TENM4: variants seen among roughly 807,000 people sequenced by gnomAD.
TENM4 encodes teneurin transmembrane protein 4, also known as teneurin-4.
In TENM4, 82 loss-of-function variants were observed where a neutral mutation model predicts 243.3. The ratio of observed to expected loss-of-function variants is 0.34; its 90% CI spans 0.28 to 0.40. TENM4 has a LOEUF of 0.40. Among genes scored for constraint, TENM4 ranks in the 10% least tolerant of loss-of-function variants. The probability of loss-of-function intolerance (pLI) is 1.00; values close to 1 mark genes in which losing one functional copy is unlikely to be tolerated. For synonymous variants in TENM4, 1,412 were observed against 1,456.3 expected (o/e 0.97, Z 0.69); for missense variants, 3,138 against 3,673.3 (o/e 0.85, Z 3.77).
At chr11:78,915,235 G>T (rs1253800454) in intron 6 of TENM4, among the ~76,000 whole-genome samples, 1 of 152,158 alleles carries the variant, frequency 6.6e-6, no homozygotes, top group African/African-American at 2.4e-5. Flanking sequence ...ACTCAGATTA[G>T]AAGTTTCCTC....
chr11:79,396,284 C>T, intron 1 of TENM4, among the ~76,000 whole-genome samples: 1 of 152,222 alleles, frequency 6.6e-6, no homozygotes, highest in Non-Finnish European at 1.5e-5. Flanking sequence ...TGTCTTACCC[C>T]ATCCTAGCTT....
intron 6 of TENM4, among the ~76,000 whole-genome samples, chr11:78,985,969 C>G (rs924592550): frequency 1.3e-5 from 2 of 152,154 alleles, no homozygotes; most frequent in Non-Finnish European, 2.9e-5. Flanking sequence ...TCTAATGGAG[C>G]CTTTTCTTCC....
At chr11:79,172,993 C>T (rs1005922286) in intron 3 of TENM4, among the ~76,000 whole-genome samples, 46 of 152,176 alleles carry the variant, frequency 3.0e-4, no homozygotes, top group African/African-American at 1.1e-3. Flanking sequence ...ATTCAAGAAG[C>T]AATCAGAGTA....
chr11:78,659,715 T>C (rs566541604), intron 33 of TENM4, among the ~76,000 whole-genome samples: 2 of 152,356 alleles, frequency 1.3e-5, no homozygotes, highest in African/African-American at 4.8e-5. Context: ...CCGTGCTTCC[T>C]TGGGGCTCCT....
chr11:78,740,850 A>C (rs1280646458), intron 19 of TENM4, among the ~76,000 whole-genome samples: 33 of 152,114 alleles, frequency 2.2e-4, no homozygotes. Flanking sequence ...TTTCCTGATA[A>C]TTGGGAAACA....
intron 1 of TENM4, among the ~76,000 whole-genome samples, chr11:79,365,140 A>G (rs1857654606): frequency 6.6e-6 from 1 of 152,174 alleles, no homozygotes; most frequent in South Asian, 2.1e-4. Flanking sequence ...TTGTTTTCCA[A>G]CTCCTGGCAC....
At chr11:78,760,293 G>A (rs1294502951) in intron 18 of TENM4, among the ~76,000 whole-genome samples, 3 of 152,150 alleles carry the variant, frequency 2.0e-5, no homozygotes, top group Non-Finnish European at 4.4e-5. Context: ...TTCTGTGATC[G>A]GTGGCCATAT....
chr11:79,345,191 C>T (rs1467659295), intron 1 of TENM4, among the ~76,000 whole-genome samples: 2 of 152,154 alleles, frequency 1.3e-5, no homozygotes, highest in African/African-American at 4.8e-5. Flanking sequence ...TCTCTGAACC[C>T]AAAGGGGAGG....
chr11:79,244,732 C>T (rs1361390558), intron 2 of TENM4, among the ~76,000 whole-genome samples: 2 of 152,090 alleles, frequency 1.3e-5, no homozygotes, highest in African/African-American at 2.4e-5. Flanking sequence ...ATAAAACAAA[C>T]AGTCATTTCT....
chr11:79,347,036 TCAGAC>T (rs1475245059), intron 1 of TENM4, among the ~76,000 whole-genome samples: 1 of 152,172 alleles, frequency 6.6e-6, no homozygotes, highest in African/African-American at 2.4e-5. Context: ...CTTTCCCCTT[TCAGAC>T]CAATTTGCTC....
At chr11:78,788,065 C>T (rs1856976835) in intron 15 of TENM4, among the ~76,000 whole-genome samples, 1 of 152,242 alleles carries the variant, frequency 6.6e-6, no homozygotes, top group African/African-American at 2.4e-5. Context: ...TTCAAATTCA[C>T]ATGAAAATCT....
chr11:79,105,361 A>T (rs754179886), intron 4 of TENM4, among the ~76,000 whole-genome samples: 1 of 152,242 alleles, frequency 6.6e-6, no homozygotes, highest in Non-Finnish European at 1.5e-5. Context: ...TTGGAAACAC[A>T]GGAACAAAGG....
chr11:78,815,710 G>A (rs1190025718), intron 12 of TENM4, among the ~76,000 whole-genome samples: 1 of 152,198 alleles, frequency 6.6e-6, no homozygotes, highest in Non-Finnish European at 1.5e-5. Flanking sequence ...TTTGTGCCAT[G>A]TATTTCCACA....
At chr11:78,855,894 T>C in intron 11 of TENM4, 70 bp downstream of exon 11, 2 of 1,455,748 alleles carry the variant, frequency 1.4e-6, no homozygotes, top group Admixed American at 4.1e-5. Flanking sequence ...GGATTGGGCT[T>C]CTTAACTTTG....
chr11:79,055,299 T>C (rs1481827073), intron 6 of TENM4, among the ~76,000 whole-genome samples: 3 of 152,132 alleles, frequency 2.0e-5, no homozygotes, highest in Admixed American at 2.0e-4. Context: ...TGGTGTGCGG[T>C]GGCATGATCT....
At chr11:79,072,508 A>G (rs562505123) in intron 4 of TENM4, among the ~76,000 whole-genome samples, 1 of 152,024 alleles carries the variant, frequency 6.6e-6, no homozygotes, top group Admixed American at 6.5e-5. Flanking sequence ...AAATTACAAT[A>G]TCTTACATAA....
rs79677792 is a variant in TENM4 at position 79,149,260 on chromosome 11, C to A, written c.-162-454G>T. Among the ~76,000 whole-genome samples, 775 of 152,138 alleles carry A rather than the reference C, an allele frequency of 5.1e-3. 8 individuals carry two copies. The highest frequency in any genetic ancestry group is 0.018 in the African/African-American group (741 of 41,508). ...GCCATAGCTATGCCCAAATCCTGGC[C>A]CCACCACTTCTGACTGCACAACTCT... On this transcript the variant is annotated intron_variant, in intron 3 of 33. Transcript: ENST00000278550.
At chr11:79,034,758 A>C (rs1226400597) in intron 6 of TENM4, among the ~76,000 whole-genome samples, 1 of 152,194 alleles carries the variant, frequency 6.6e-6, no homozygotes, top group African/African-American at 2.4e-5. Flanking sequence ...TGGGACTGGC[A>C]TACGTGGACC....
chr11:78,999,024 T>C (rs534818957), intron 6 of TENM4, among the ~76,000 whole-genome samples: 54 of 152,326 alleles, frequency 3.5e-4, no homozygotes, highest in Middle Eastern at 3.4e-3. Context: ...CACATCTCCA[T>C]TGGCAGAACA....
Sources: gnomAD v4.1 joint callset for allele counts (sites outside exome capture counted in the v4.1 genomes callset) on GRCh38, gnomAD v4.1.1 for gene constraint, MANE v1.5 for transcripts, NCBI Gene and HGNC (gene_info 2026-07-23, HGNC 2026-07-21) for gene names.